The following DCC variants were observed in gnomAD, a reference collection of about 807,000 sequenced individuals.
The protein encoded by DCC is DCC netrin 1 receptor, also known as netrin receptor DCC.
DCC carries 58 observed loss-of-function variants against 172.5 expected under a neutral mutation model. The ratio of observed to expected loss-of-function variants is 0.34; its 90% CI spans 0.27 to 0.42. The LOEUF (loss-of-function observed/expected upper bound fraction) is 0.42. Among genes scored for constraint, DCC ranks in the 10% least tolerant of loss-of-function variants. DCC has a pLI of 1.00. For missense variants in DCC, 1,740 were observed against 1,791.0 expected (o/e 0.97, Z 0.51); for synonymous variants, 709 against 644.5 (o/e 1.10, Z -1.52).
At chr18:53,216,035 T>G (rs1314727403) in intron 12 of DCC, among the ~76,000 whole-genome samples, 14 of 152,180 alleles carry the variant, frequency 9.2e-5, no homozygotes, top group Admixed American at 9.2e-4. Context: ...CATTCTTCCT[T>G]TATAAATGTA....
At chr18:53,238,098 T>G (rs1278698606) in intron 12 of DCC, among the ~76,000 whole-genome samples, 2 of 152,208 alleles carry the variant, frequency 1.3e-5, no homozygotes, top group Non-Finnish European at 2.9e-5. Flanking sequence ...AATTTGTTTC[T>G]TATATTCCTT....
rs150213854 is a variant in DCC, at chr18:52,676,885, T to C, written c.92-75169T>C. Among the ~76,000 whole-genome samples the C allele has an allele frequency of 1.4e-4, 21 of 152,334 alleles. 1 individual carries two copies. In the East Asian group the frequency reaches 3.3e-3, roughly 24 times the overall value. Reference sequence around the variant, plus strand: ...GTTCCTTTTGTCCTTTTGTCTTGAATTGAAATCACTTGGGGGTTATAAATT... The same window carrying C: ...GTTCCTTTTGTCCTTTTGTCTTGAACTGAAATCACTTGGGGGTTATAAATT... On this transcript the variant is annotated intron_variant, in intron 1 of 28. Coordinates refer to ENST00000442544, the MANE Select transcript of DCC (RefSeq NM_005215.4).
intron 1 of DCC, among the ~76,000 whole-genome samples, chr18:52,654,165 T>C (rs1301536580): frequency 6.6e-6 from 1 of 152,202 alleles, no homozygotes; most frequent in Non-Finnish European, 1.5e-5. Flanking sequence ...TATTAATTCT[T>C]GCTAATGAAG....
chr18:52,926,154 C>A (rs2040199089), intron 5 of DCC, among the ~76,000 whole-genome samples: 1 of 151,636 alleles, frequency 6.6e-6, no homozygotes, highest in Non-Finnish European at 1.5e-5. Flanking sequence ...AATCTTTTTG[C>A]CTTTTAAAGA....
intron 27 of DCC, among the ~76,000 whole-genome samples, chr18:53,506,951 T>G (rs1057004059): frequency 6.6e-6 from 1 of 152,036 alleles, no homozygotes; most frequent in East Asian, 1.9e-4. Flanking sequence ...ACTACAGAAC[T>G]GATTTTGCTC....
intron 10 of DCC, among the ~76,000 whole-genome samples, chr18:53,206,455 G>A (rs2055643430): frequency 4.0e-5 from 5 of 126,138 alleles, no homozygotes; most frequent in South Asian, 2.4e-4. Context: ...ATGTGTATAT[G>A]TATGTGTTAT....
Position 53,374,312 on chromosome 18 carries a change from T to C in DCC, c.2360-11731T>C, listed in dbSNP as rs141469488. On this transcript the variant is annotated intron_variant, in intron 15 of 28. Transcript: ENST00000442544. The stretch of plus-strand genomic sequence containing the variant: ...ACCATGGGGCAATGCTGTTTTATAG[T>C]ATTTAGTAGATTGCCTTAATTGGGA... Among the ~76,000 whole-genome samples, 621 of 152,318 alleles carry C rather than the reference T, an allele frequency of 4.1e-3. 3 individuals are homozygous for C. The highest frequency in any genetic ancestry group is 5.2e-3 in the South Asian group (25 of 4,826).
intron 12 of DCC, chr18:53,237,296 G>A (rs951603638): frequency 6.5e-6 from 1 of 153,530 alleles, no homozygotes; most frequent in African/African-American, 2.4e-5. Context: ...AGAAAAAAAG[G>A]CTAAATGTTT....
At chr18:52,395,405 G>T (rs759142811) in intron 1 of DCC, among the ~76,000 whole-genome samples, 16 of 151,764 alleles carry the variant, frequency 1.1e-4, no homozygotes, top group Non-Finnish European at 1.6e-4. Context: ...TGTGGGTTTG[G>T]TTTTTTTTGT....
At chr18:52,601,440 G>A (rs2034016409) in intron 1 of DCC, among the ~76,000 whole-genome samples, 1 of 151,778 alleles carries the variant, frequency 6.6e-6, no homozygotes, top group Admixed American at 6.6e-5. Context: ...TACTCCCTTG[G>A]TCAGGCTGTC....
At chr18:53,330,540 C>T (rs902584067) in intron 14 of DCC, among the ~76,000 whole-genome samples, 1 of 152,076 alleles carries the variant, frequency 6.6e-6, no homozygotes, top group Admixed American at 6.6e-5. Flanking sequence ...CTCTCTAGAC[C>T]CCATAGTGTT....
At chr18:52,599,924 T>C (rs557370760) in intron 1 of DCC, among the ~76,000 whole-genome samples, 4 of 152,344 alleles carry the variant, frequency 2.6e-5, no homozygotes, top group Admixed American at 1.3e-4. Flanking sequence ...TTCTAACCAT[T>C]GTTCCTTTTT....
At chr18:53,418,386 A>G (rs1910444770) in intron 21 of DCC, among the ~76,000 whole-genome samples, 1 of 152,178 alleles carries the variant, frequency 6.6e-6, no homozygotes, top group South Asian at 2.1e-4. Flanking sequence ...TCTAAGATTG[A>G]TGAAAATAAT....
intron 1 of DCC, among the ~76,000 whole-genome samples, chr18:52,440,331 T>C (rs1034996441): frequency 1.3e-5 from 2 of 152,256 alleles, no homozygotes; most frequent in Non-Finnish European, 2.9e-5. Context: ...AGGATGGTTC[T>C]TAGAAGCTTG....
rs186421138 is a variant in DCC at position 52,450,100 on chromosome 18, T to C, written c.91+109222T>C. 8.7e-3 allele frequency among the ~76,000 whole-genome samples: 1,321 copies of C among 152,350 alleles called. 10 individuals are homozygous for C. The highest frequency in any genetic ancestry group is 0.011 in the Admixed American group (172 of 15,310). On this transcript the variant is annotated intron_variant, in intron 1 of 28. Transcript: ENST00000442544. ...GACAGAATAATTTCGGAAATAAGCCTGTCTCAAACCGAGACTTAAATGTAA... is the reference window on the plus strand; with the variant it reads ...GACAGAATAATTTCGGAAATAAGCCCGTCTCAAACCGAGACTTAAATGTAA...
At chr18:53,098,587 C>T (rs1299258299) in intron 7 of DCC, among the ~76,000 whole-genome samples, 1 of 152,148 alleles carries the variant, frequency 6.6e-6, no homozygotes, top group Non-Finnish European at 1.5e-5. Flanking sequence ...TGCTGTTGTT[C>T]TCATTGCATC....
At chr18:52,765,200 A>ATTTTT (rs563633847) in intron 2 of DCC, among the ~76,000 whole-genome samples, 1 of 138,140 alleles carries the variant, frequency 7.2e-6, no homozygotes, top group Non-Finnish European at 1.5e-5. Flanking sequence ...CTCCTGGCTA[A>ATTTTT]TTTTTTTTTT....
At chr18:53,442,923 T>G (rs1030080950) in intron 22 of DCC, among the ~76,000 whole-genome samples, 1 of 152,172 alleles carries the variant, frequency 6.6e-6, no homozygotes, top group Non-Finnish European at 1.5e-5. Context: ...CTGTGAAGAT[T>G]TATGGAGGTG....
At chr18:53,417,950 A>G (rs1456366008) in intron 21 of DCC, among the ~76,000 whole-genome samples, 1 of 152,180 alleles carries the variant, frequency 6.6e-6, no homozygotes, top group Non-Finnish European at 1.5e-5. Context: ...CACATCCTCC[A>G]TGGATTTTAC....
Sources: allele counts gnomAD v4.1 joint callset (sites outside exome capture counted in the v4.1 genomes callset), GRCh38; gene constraint gnomAD v4.1.1; transcripts MANE v1.5; gene names NCBI Gene and HGNC (gene_info 2026-07-23, HGNC 2026-07-21).